GABRB1: variants seen among roughly 807,000 people sequenced by gnomAD.
GABRB1 encodes the protein gamma-aminobutyric acid type A receptor subunit beta1.
Under a neutral mutation model 51.6 loss-of-function variants are expected in GABRB1, and 17 were observed. The observed-to-expected ratio is 0.33, with a 90% CI of 0.23 to 0.49. The LOEUF is 0.49. GABRB1 is among the 20% of genes least tolerant of loss of function. GABRB1 has a pLI of 0.99. For missense variants in GABRB1, 410 were observed against 600.6 expected, an observed-to-expected ratio of 0.68 and a Z score of 3.32; for synonymous variants, 247 against 218.9, an observed-to-expected ratio of 1.13 and a Z score of -1.14.
chr4:47,318,874 A>G (rs890684201), intron 4 of GABRB1, among the ~76,000 whole-genome samples: 1 of 152,132 alleles, frequency 6.6e-6, no homozygotes. Context: ...CAAAAATTCA[A>G]ATTAAATGGT....
intron 3 of GABRB1, among the ~76,000 whole-genome samples, chr4:47,073,148 T>G (rs1291235158): frequency 3.9e-5 from 6 of 152,186 alleles, no homozygotes; most frequent in Non-Finnish European, 7.4e-5. Flanking sequence ...CTTCTCTTCC[T>G]CTTATCTTCT....
At chr4:47,351,841 G>C (rs1358724045) in intron 5 of GABRB1, among the ~76,000 whole-genome samples, 2 of 151,798 alleles carry the variant, frequency 1.3e-5, no homozygotes, top group Admixed American at 1.3e-4. Context: ...CCAAGTCTTT[G>C]CTATTGTGAA....
In GABRB1 at chr4:46,998,732, TAAAAAAAAAAAAAA is replaced by T. The variant is rs1031492003; in HGVS notation, c.-20+4816_-20+4829del. Among the ~76,000 whole-genome samples, 15 of 66,436 alleles carry T rather than the reference TAAAAAAAAAAAAAA, an allele frequency of 2.3e-4. No individual in the cohort carries two copies. In the Admixed American group the frequency reaches 2.3e-3, roughly 10 times the overall value. 43.6% of individuals were successfully genotyped at this position (66,436 alleles called of 152,430 possible). On this transcript the variant is annotated intron_variant, in intron 1 of 3. Coordinates refer to the GABRB1 transcript ENST00000513567. ...CTGGGCCACTGAGCAAGACTCTGTC[TAAAAAAAAAAAAAA>T]AAAAAAAAAGTGGAAAGAATACAAT...
At chr4:47,365,491 G>A (rs145141802) in intron 5 of GABRB1, among the ~76,000 whole-genome samples, 5 of 152,218 alleles carry the variant, frequency 3.3e-5, no homozygotes, top group East Asian at 1.9e-4. Flanking sequence ...CCCACCCAGC[G>A]ATTAGCAACA....
chr4:47,030,880 C>G (rs957283372), upstream of GABRB1, among the ~76,000 whole-genome samples: 3 of 152,078 alleles, frequency 2.0e-5, no homozygotes, highest in Non-Finnish European at 4.4e-5. Context: ...AGATTGCCTG[C>G]CCAGAACTGC....
chr4:47,080,004 A>C lies in GABRB1; in HGVS notation c.240+47520A>C, dbSNP rs575392859. Among the ~76,000 whole-genome samples the C allele has an allele frequency of 9.2e-5, 14 of 152,306 alleles. No individual in the cohort carries two copies. The South Asian group carries it at 2.7e-3, about 29-fold the overall frequency. On this transcript the variant is annotated intron_variant, in intron 3 of 8. Transcript: ENST00000295454. ...CCTAAAACTTAAAGAATAATAAAAA[A>C]AAAGAAATATAAAAAAAACTGCCAA...
chr4:47,077,667 C>A (rs1405458209), intron 3 of GABRB1, among the ~76,000 whole-genome samples: 2 of 151,508 alleles, frequency 1.3e-5, no homozygotes, highest in East Asian at 1.9e-4. Context: ...CGGAATATCA[C>A]ACCCTTCTAA....
chr4:47,105,155 C>G (rs187920760), intron 3 of GABRB1, among the ~76,000 whole-genome samples: 1 of 152,048 alleles, frequency 6.6e-6, no homozygotes, highest in Admixed American at 6.6e-5. Context: ...CTATGAGTAG[C>G]CTCAGTGCAT....
chr4:47,119,851 A>G (rs964869199), intron 3 of GABRB1, among the ~76,000 whole-genome samples: 1 of 152,188 alleles, frequency 6.6e-6, no homozygotes, highest in Admixed American at 6.6e-5. Flanking sequence ...AATCTGTAAC[A>G]TAAAACTACT....
At chr4:47,181,036 G>A (rs1036421530) in intron 4 of GABRB1, among the ~76,000 whole-genome samples, 1 of 151,862 alleles carries the variant, frequency 6.6e-6, no homozygotes, top group Admixed American at 6.6e-5. Flanking sequence ...AGCACTCTGG[G>A]ATACTGTATT....
At chr4:47,099,967 T>G (rs1438658091) in intron 3 of GABRB1, among the ~76,000 whole-genome samples, 1 of 152,046 alleles carries the variant, frequency 6.6e-6, no homozygotes, top group Non-Finnish European at 1.5e-5. Flanking sequence ...ATATTCTATT[T>G]TACTCTGGAA....
intron 5 of GABRB1, among the ~76,000 whole-genome samples, chr4:47,344,079 G>A (rs959312637): frequency 6.6e-6 from 1 of 152,180 alleles, no homozygotes; most frequent in African/African-American, 2.4e-5. Context: ...ATTTCTCAGA[G>A]AATAATCATG....
chr4:47,305,103 T>C (rs1343095796), intron 4 of GABRB1, among the ~76,000 whole-genome samples: 2 of 152,120 alleles, frequency 1.3e-5, no homozygotes, highest in Non-Finnish European at 2.9e-5. Flanking sequence ...GCAAGAGAAG[T>C]AGGACCTTAA....
intron 5 of GABRB1, among the ~76,000 whole-genome samples, chr4:47,329,740 A>T (rs1244984319): frequency 6.7e-6 from 1 of 149,548 alleles, no homozygotes; most frequent in Non-Finnish European, 1.5e-5. Context: ...ATACCACTAC[A>T]TATATAATAG....
intron 4 of GABRB1, among the ~76,000 whole-genome samples, chr4:47,233,132 T>A (rs1166760000): frequency 6.6e-6 from 1 of 152,180 alleles, no homozygotes; most frequent in Non-Finnish European, 1.5e-5. Flanking sequence ...TGCCTTGGCC[T>A]TCCAAAGTGC....
chr4:47,000,335 A>G (rs1287429337), intron 1 of GABRB1, among the ~76,000 whole-genome samples: 1 of 152,246 alleles, frequency 6.6e-6, no homozygotes, highest in Non-Finnish European at 1.5e-5. Flanking sequence ...TCAACTGTTT[A>G]TGTAAGCTTT....
chr4:47,091,596 GA>G (rs1408791114), intron 3 of GABRB1, among the ~76,000 whole-genome samples: 2 of 152,106 alleles, frequency 1.3e-5, no homozygotes, highest in Non-Finnish European at 2.9e-5. Flanking sequence ...AGCCACCCCA[GA>G]AGTTGCTCCA....
intron 4 of GABRB1, among the ~76,000 whole-genome samples, chr4:47,166,869 T>A (rs1256697475): frequency 2.0e-5 from 3 of 152,090 alleles, no homozygotes; most frequent in Non-Finnish European, 4.4e-5. Context: ...AAAGTCTCCC[T>A]CAAATTCCAC....
chr4:47,299,269 C>G (rs1489834105), intron 4 of GABRB1, among the ~76,000 whole-genome samples: 2 of 152,004 alleles, frequency 1.3e-5, no homozygotes, highest in African/African-American at 4.8e-5. Flanking sequence ...AGCTTCTGCA[C>G]AGCAAAAGAA....
Sources: allele counts gnomAD v4.1 joint callset (sites outside exome capture counted in the v4.1 genomes callset), GRCh38; gene constraint gnomAD v4.1.1; transcripts MANE v1.5; gene names NCBI Gene and HGNC (gene_info 2026-07-23, HGNC 2026-07-21).